The following DOCK3 variants were observed in gnomAD, a reference collection of about 807,000 sequenced individuals.
DOCK3 encodes dedicator of cytokinesis 3.
A neutral mutation model predicts 265.6 loss-of-function variants in DOCK3; 60 were observed. That is an observed-to-expected ratio of 0.23 (90% CI 0.18 to 0.28). DOCK3 has a LOEUF of 0.28. DOCK3 is among the 10% of genes least tolerant of loss of function. The probability of loss-of-function intolerance (pLI) is 1.00; values close to 1 mark genes in which losing one functional copy is unlikely to be tolerated. For missense variants in DOCK3, 1,981 were observed against 2,594.3 expected, an observed-to-expected ratio of 0.76 and a Z score of 5.14; for synonymous variants, 881 against 938.0, an observed-to-expected ratio of 0.94 and a Z score of 1.11.
At chr3:50,761,698 C>T (rs1383326854) in intron 1 of DOCK3, among the ~76,000 whole-genome samples, 1 of 152,158 alleles carries the variant, frequency 6.6e-6, no homozygotes, top group African/African-American at 2.4e-5. Flanking sequence ...TTTTTCTGAG[C>T]TTTTTGGTGT....
At chr3:50,961,310 ATATCT>A (rs2076879941) in intron 5 of DOCK3, among the ~76,000 whole-genome samples, 1 of 152,232 alleles carries the variant, frequency 6.6e-6, no homozygotes, top group Non-Finnish European at 1.5e-5. Context: ...ACACTGAGTA[ATATCT>A]TAGATTGAGA....
At chr3:51,017,248 T>C (rs2079385450) in intron 5 of DOCK3, among the ~76,000 whole-genome samples, 1 of 151,358 alleles carries the variant, frequency 6.6e-6, no homozygotes, top group Admixed American at 6.6e-5. Context: ...TCTCTGATTT[T>C]ATTTGAGTCT....
intron 5 of DOCK3, among the ~76,000 whole-genome samples, chr3:51,037,638 A>G (rs540764729): frequency 1.9e-4 from 29 of 152,192 alleles, no homozygotes; most frequent in African/African-American, 7.0e-4. Flanking sequence ...CTATAAGGAG[A>G]TTTATTGAGT....
chr3:51,311,398 T>C (rs1386134250), intron 28 of DOCK3, among the ~76,000 whole-genome samples: 1 of 152,214 alleles, frequency 6.6e-6, no homozygotes, highest in Non-Finnish European at 1.5e-5. Context: ...TTCACTCTCT[T>C]GTTCCAGCAG....
chr3:51,169,274 G>A (rs2086561242), intron 12 of DOCK3, among the ~76,000 whole-genome samples: 1 of 152,088 alleles, frequency 6.6e-6, no homozygotes, highest in Admixed American at 6.6e-5. Context: ...CTATCATAAA[G>A]ACACATGCAC....
chr3:50,767,585 T>C (rs1296957025), intron 1 of DOCK3, among the ~76,000 whole-genome samples: 1 of 152,160 alleles, frequency 6.6e-6, no homozygotes, highest in Non-Finnish European at 1.5e-5. Flanking sequence ...TGGCTTAGGA[T>C]TGTCTTGGCA....
intron 1 of DOCK3, among the ~76,000 whole-genome samples, chr3:50,714,520 AC>A (rs1192927054): frequency 5.3e-5 from 8 of 152,036 alleles, no homozygotes; most frequent in Non-Finnish European, 1.5e-5. Flanking sequence ...TTGTTCTGTT[AC>A]CCGAGGCTGG....
chr3:50,908,673 A>G (rs2049681260), intron 4 of DOCK3, among the ~76,000 whole-genome samples: 1 of 152,122 alleles, frequency 6.6e-6, no homozygotes, highest in African/African-American at 2.4e-5. Flanking sequence ...CCATGTGGCA[A>G]TCAGAAGAAT....
chr3:51,279,701 G>C (rs1223108525), intron 26 of DOCK3, among the ~76,000 whole-genome samples: 1 of 152,150 alleles, frequency 6.6e-6, no homozygotes, highest in Non-Finnish European at 1.5e-5. Context: ...GGCTGCTCTA[G>C]TCCAGCAGGA....
chr3:51,362,726 A>G (rs1048696973), intron 49 of DOCK3, 52 bp downstream of exon 49: 7 of 1,588,334 alleles, frequency 4.4e-6, no homozygotes, highest in East Asian at 2.3e-5. Flanking sequence ...GTCTTCATCA[A>G]CGCCACTCGG....
chr3:50,916,993 A>G (rs2050165795), intron 4 of DOCK3, among the ~76,000 whole-genome samples: 1 of 152,066 alleles, frequency 6.6e-6, no homozygotes, highest in African/African-American at 2.4e-5. Flanking sequence ...GACCTATGGA[A>G]TGTAATAATG....
intron 1 of DOCK3, among the ~76,000 whole-genome samples, chr3:50,706,105 C>T (rs1486547584): frequency 1.3e-5 from 2 of 152,042 alleles, no homozygotes; most frequent in Admixed American, 1.3e-4. Context: ...AAGGCGCCTG[C>T]TTCTCCTTTG....
chr3:51,199,323 T>A (rs940664171), intron 12 of DOCK3, among the ~76,000 whole-genome samples: 1 of 152,136 alleles, frequency 6.6e-6, no homozygotes, highest in Non-Finnish European at 1.5e-5. Flanking sequence ...GAAAATCGGG[T>A]CACTCCCACC....
chr3:50,698,786 G>A (rs1264246253), intron 1 of DOCK3, among the ~76,000 whole-genome samples: 4 of 151,502 alleles, frequency 2.6e-5, no homozygotes, highest in Non-Finnish European at 5.9e-5. Flanking sequence ...GTCTCTTTTT[G>A]TGTGCTTATT....
At chr3:50,988,683 T>A (rs919747370) in intron 5 of DOCK3, among the ~76,000 whole-genome samples, 3 of 152,104 alleles carry the variant, frequency 2.0e-5, no homozygotes, top group African/African-American at 7.2e-5. Context: ...ATCTTTGCCG[T>A]TTTGCAGCCG....
intron 4 of DOCK3, among the ~76,000 whole-genome samples, chr3:50,933,147 G>T (rs898639044): frequency 6.6e-6 from 1 of 152,168 alleles, no homozygotes; most frequent in African/African-American, 2.4e-5. Context: ...CTCTCACTGG[G>T]TCTCTGCCAC....
At chr3:50,863,910 T>C (rs1358382948) in intron 3 of DOCK3, among the ~76,000 whole-genome samples, 4 of 152,236 alleles carry the variant, frequency 2.6e-5, no homozygotes, top group Non-Finnish European at 4.4e-5. Context: ...CCAATAATGC[T>C]CCAATAAACG....
intron 5 of DOCK3, among the ~76,000 whole-genome samples, chr3:50,943,184 T>C (rs1044599398): frequency 1.3e-5 from 2 of 152,034 alleles, no homozygotes; most frequent in African/African-American, 4.8e-5. Context: ...ATTAAAAGAT[T>C]AGTGGTTACC....
At chr3:50,762,726 T>A (rs2040610160) in intron 1 of DOCK3, among the ~76,000 whole-genome samples, 1 of 152,136 alleles carries the variant, frequency 6.6e-6, no homozygotes, top group Non-Finnish European at 1.5e-5. Flanking sequence ...GTTTTTTTTT[T>A]AATCATGAAA....
Sources: allele counts gnomAD v4.1 joint callset (sites outside exome capture counted in the v4.1 genomes callset), GRCh38; gene constraint gnomAD v4.1.1; transcripts MANE v1.5; gene names NCBI Gene and HGNC (gene_info 2026-07-23, HGNC 2026-07-21).